Variants in FBXO11 observed in about 807,000 individuals in gnomAD.
FBXO11 encodes the protein F-box only protein 11.
A neutral mutation model predicts 117.0 loss-of-function variants in FBXO11; 13 were observed. The ratio of observed to expected loss-of-function variants is 0.11; its 90% CI spans 0.07 to 0.18. The LOEUF (loss-of-function observed/expected upper bound fraction) is 0.18, where lower values mean the gene tolerates loss of function less well. FBXO11 is among the 10% of genes least tolerant of loss of function. The pLI, the probability that FBXO11 is intolerant of heterozygous loss-of-function variation, is 1.00. For missense variants in FBXO11, 767 were observed against 1,164.4 expected (o/e 0.66, Z 4.97); for synonymous variants, 490 against 380.5 (o/e 1.29, Z -3.35).
chr2:47,865,191 T>A (rs1248023942), intron 1 of FBXO11, among the ~76,000 whole-genome samples: 1 of 152,190 alleles, frequency 6.6e-6, no homozygotes, highest in Non-Finnish European at 1.5e-5. Context: ...CAGAAACTGC[T>A]ATCACCCCAA....
intron 21 of FBXO11, chr2:47,808,875 TTTGTA>T: frequency 3.3e-6 from 1 of 301,934 alleles, no homozygotes; most frequent in South Asian, 7.0e-5. Context: ...TTTGTTTTGT[TTTGTA>T]GAGACAGGGT....
At chr2:47,868,148 T>C (rs1173961865) in intron 1 of FBXO11, among the ~76,000 whole-genome samples, 1 of 151,998 alleles carries the variant, frequency 6.6e-6, no homozygotes, top group Non-Finnish European at 1.5e-5. Flanking sequence ...GTCCGAAATG[T>C]ATAAAGCAGC....
intron 1 of FBXO11, among the ~76,000 whole-genome samples, chr2:47,884,968 G>C (rs1676708712): frequency 6.6e-6 from 1 of 152,084 alleles, no homozygotes; most frequent in South Asian, 2.1e-4. Context: ...ATCTATTAAT[G>C]AGGAAATACA....
intron 8 of FBXO11, 34 bp from the exon 9 acceptor site, chr2:47,832,914 T>C: frequency 6.2e-7 from 1 of 1,605,330 alleles, no homozygotes; most frequent in Middle Eastern, 1.7e-4. Context: ...AAATAAACAA[T>C]TACTGCCTTT....
chr2:47,885,948 CCTAACACTAGTTGCCT>C (rs1481133727), intron 1 of FBXO11, among the ~76,000 whole-genome samples: 1 of 149,872 alleles, frequency 6.7e-6, no homozygotes. Context: ...CCATTTCAAC[CCTAACACTAGTTGCCT>C]CTTTACTCTC....
intron 1 of FBXO11, among the ~76,000 whole-genome samples, chr2:47,900,539 G>A (rs557759719): frequency 3.9e-4 from 51 of 129,464 alleles, no homozygotes; most frequent in African/African-American, 1.4e-3. Context: ...GTACAGTGTC[G>A]AGAAAAAAGT....
intron 1 of FBXO11, among the ~76,000 whole-genome samples, chr2:47,902,198 T>C (rs991137034): frequency 9.9e-5 from 15 of 151,904 alleles, no homozygotes; most frequent in African/African-American, 3.4e-4. Context: ...CCTCCCAAAG[T>C]GCTGGGATTA....
rs771415195 is a variant in FBXO11, at chr2:47,810,377, G to A, written c.2277C>T (p.Leu759=). ...AGATTGGATGACTATTAGTGCTGAT[G>A]AGAACACCTGCTTGAGCATTCCTGA... The part of the protein sequence containing the change: ...DIFRNAQAGV[L]ISTNSHPILR... Residue 759 remains leucine, a synonymous_variant, in exon 19 of 23, where the codon CTC becomes CTT. Transcript: ENST00000403359. The A allele has an allele frequency of 6.2e-7, 1 of 1,611,320 alleles. No homozygotes were observed. Among genetic ancestry groups the A allele is most frequent in the Non-Finnish European group, 8.5e-7 (1 of 1,179,076 alleles).
chr2:47,832,311 C>G (rs190325040), intron 11 of FBXO11, 38 bp downstream of exon 11: 2 of 1,536,298 alleles, frequency 1.3e-6, no homozygotes, highest in Admixed American at 2.0e-5. Context: ...TTAACTGATA[C>G]AGAAGTCCGT....
intron 1 of FBXO11, among the ~76,000 whole-genome samples, chr2:47,884,375 C>T (rs1191206499): frequency 6.6e-6 from 1 of 152,144 alleles, no homozygotes; most frequent in Non-Finnish European, 1.5e-5. Context: ...AAGAGATTTA[C>T]CTTTTGAACT....
At chr2:47,867,167 T>TA (rs1375419788) in intron 1 of FBXO11, among the ~76,000 whole-genome samples, 1 of 152,206 alleles carries the variant, frequency 6.6e-6, no homozygotes, top group African/African-American at 2.4e-5. Context: ...ATCAGTCAGA[T>TA]AGGCTAGTTT....
Position 47,833,067 on chromosome 2 carries a change from G to A in FBXO11, c.938C>T (p.Pro313Leu), listed in dbSNP as rs1672303557. 1 of 1,604,646 alleles carries A rather than the reference G, an allele frequency of 6.2e-7. No homozygotes were observed. ...ESPITMIGAA[P>L]GKVADKVIIE... ...TATAACTTTGTCTGCCACTTTCCCA[G>A]GTGCTGTGGAGAAGATATTTTAAAG... is the stretch of plus-strand genomic sequence containing the variant. The change falls in exon 8 of 23, where the codon CCT becomes CTT. Residue 313 changes from proline (P) to leucine (L), a missense_variant. By Grantham distance (98) the Pro-to-Leu change is moderately conservative. Around this residue, in one of 10 missense-constraint regions of FBXO11, gnomAD observed 123 missense variants for 145.0 expected, o/e 0.85. Transcript: ENST00000403359.
Position 47,819,019 on chromosome 2 carries a change from T to C in FBXO11, c.1857A>G (p.Gly619=). 1 of 1,614,088 alleles carries C rather than the reference T, an allele frequency of 6.2e-7. No individual in the cohort carries two copies. The highest frequency in any genetic ancestry group is 8.5e-7 in the Non-Finnish European group (1 of 1,179,956). ...GAGTGCTGCCAGTTGTCACCCAGAC[T>C]CCAGCTAGAGTGTTACTATAAACTT... is the stretch of plus-strand genomic sequence containing the variant. The part of the protein sequence containing the change: ...ENEVYSNTLA[G]VWVTTGSTPV... The change falls in exon 15 of 23, where the codon GGA becomes GGG. Residue 619 remains glycine (G), a synonymous_variant. Transcript: ENST00000403359.
intron 1 of FBXO11, chr2:47,883,886 A>G (rs1676620383): frequency 5.8e-6 from 1 of 173,588 alleles, no homozygotes; most frequent in South Asian, 1.3e-4. Context: ...TGTCTGGCTT[A>G]TTGCTTCAAC....
chr2:47,846,621 A>T (rs1323668337), intron 1 of FBXO11, among the ~76,000 whole-genome samples: 1 of 152,200 alleles, frequency 6.6e-6, no homozygotes, highest in Non-Finnish European at 1.5e-5. Context: ...TAGTTAGAAA[A>T]AATGTTCTAG....
intron 1 of FBXO11, among the ~76,000 whole-genome samples, chr2:47,900,565 TAC>T (rs1203897296): frequency 1.5e-5 from 2 of 131,576 alleles, no homozygotes; most frequent in East Asian, 3.9e-4. Context: ...CACGTATATA[TAC>T]ACACGTATAC....
chr2:47,821,467 G>A (rs563427819), intron 13 of FBXO11, among the ~76,000 whole-genome samples: 5 of 152,044 alleles, frequency 3.3e-5, no homozygotes, highest in South Asian at 2.1e-4. Context: ...AAAATTAGCC[G>A]GGCGTGGTGG....
chr2:47,903,144 T>C (rs1678426574), intron 1 of FBXO11, among the ~76,000 whole-genome samples: 1 of 152,188 alleles, frequency 6.6e-6, no homozygotes, highest in African/African-American at 2.4e-5. Context: ...GTAATTAAAA[T>C]GTCAATTTTT....
intron 1 of FBXO11, among the ~76,000 whole-genome samples, chr2:47,889,769 T>C (rs971191708): frequency 4.6e-5 from 7 of 152,102 alleles, no homozygotes; most frequent in African/African-American, 1.4e-4. Context: ...CCACATAAAA[T>C]TATTAAACAG....
Sources: allele counts gnomAD v4.1 joint callset (sites outside exome capture counted in the v4.1 genomes callset), GRCh38; gene constraint gnomAD v4.1.1; regional missense constraint gnomAD v4.1.1; transcripts MANE v1.5; gene names NCBI Gene and HGNC (gene_info 2026-07-23, HGNC 2026-07-21).